MYO9A: variants seen among roughly 807,000 people sequenced by gnomAD.
MYO9A encodes the protein myosin IXA.
A neutral mutation model predicts 293.3 loss-of-function variants in MYO9A; 103 were observed. The ratio of observed to expected loss-of-function variants is 0.35; its 90% CI spans 0.30 to 0.41. The LOEUF is 0.41. Among genes scored for constraint, MYO9A ranks in the 10% least tolerant of loss-of-function variants. MYO9A has a pLI of 1.00. For synonymous variants in MYO9A, 1,001 were observed against 1,035.7 expected, an observed-to-expected ratio of 0.97 and a Z score of 0.64; for missense variants, 2,685 against 3,033.0, an observed-to-expected ratio of 0.89 and a Z score of 2.69.
At chr15:72,013,455 T>C (rs1030864725) in intron 6 of MYO9A, among the ~76,000 whole-genome samples, 1 of 152,178 alleles carries the variant, frequency 6.6e-6, no homozygotes, top group South Asian at 2.1e-4. Flanking sequence ...AATGGTAAGG[T>C]TCGTTCCAAG....
intron 1 of MYO9A, among the ~76,000 whole-genome samples, chr15:72,097,422 T>G (rs1313333435): frequency 6.6e-6 from 1 of 152,222 alleles, no homozygotes; most frequent in Non-Finnish European, 1.5e-5. Flanking sequence ...GTGGATATTT[T>G]TGTAGACATG....
chr15:72,061,594 C>CTCCT (rs1238694160), intron 1 of MYO9A, among the ~76,000 whole-genome samples: 1 of 151,750 alleles, frequency 6.6e-6, no homozygotes, highest in East Asian at 1.9e-4. Context: ...CAGGGAGAGA[C>CTCCT]TCCTTCTGCC....
chr15:72,047,750 A>T (rs969193875), intron 1 of MYO9A, among the ~76,000 whole-genome samples: 1 of 150,740 alleles, frequency 6.6e-6, no homozygotes, highest in Admixed American at 6.7e-5. Flanking sequence ...AAAAATAATA[A>T]GAAGAAATAC....
At chr15:72,101,639 G>A (rs1295635870) in intron 1 of MYO9A, among the ~76,000 whole-genome samples, 1 of 139,140 alleles carries the variant, frequency 7.2e-6, no homozygotes, top group Non-Finnish European at 1.6e-5. Context: ...CAGGAGGGAG[G>A]TGGGGGGGTC....
intron 32 of MYO9A, among the ~76,000 whole-genome samples, chr15:71,871,593 G>A (rs978129015): frequency 4.6e-5 from 7 of 151,156 alleles, no homozygotes; most frequent in African/African-American, 1.5e-4. Flanking sequence ...GAGGTGGGAG[G>A]GCACTTGAGC....
chr15:72,023,369 C>T (rs1449287875), intron 4 of MYO9A, among the ~76,000 whole-genome samples: 1 of 152,074 alleles, frequency 6.6e-6, no homozygotes, highest in Non-Finnish European at 1.5e-5. Context: ...ACCTATAATG[C>T]CAGCACTTTG....
chr15:72,024,640 G>C (rs960948525), intron 4 of MYO9A, among the ~76,000 whole-genome samples: 5 of 152,278 alleles, frequency 3.3e-5, no homozygotes, highest in African/African-American at 1.2e-4. Flanking sequence ...AATTATAAAT[G>C]TGTTGATGGA....
intron 2 of MYO9A, among the ~76,000 whole-genome samples, chr15:72,039,178 TGAAA>T (rs2078152226): frequency 6.6e-6 from 1 of 152,086 alleles, no homozygotes; most frequent in East Asian, 1.9e-4. Context: ...ATTGGTCATG[TGAAA>T]GAAACTAAAG....
chr15:71,879,690 A>C, intron 30 of MYO9A, 31 bp downstream of exon 30: 1 of 1,492,622 alleles, frequency 6.7e-7, no homozygotes, highest in Non-Finnish European at 9.3e-7. Context: ...ATGTTGAACT[A>C]CTAAATATCT....
chr15:71,846,495 G>GAAGTT (rs1237997978), intron 39 of MYO9A, among the ~76,000 whole-genome samples: 1 of 152,278 alleles, frequency 6.6e-6, no homozygotes, highest in East Asian at 1.9e-4. Context: ...AAAACTGACT[G>GAAGTT]AAGTTTTAAT....
intron 19 of MYO9A, among the ~76,000 whole-genome samples, chr15:71,908,749 C>A (rs183404419): frequency 1.3e-5 from 2 of 152,070 alleles, no homozygotes; most frequent in African/African-American, 4.8e-5. Context: ...TGTGATGAAC[C>A]AATACTGACA....
At chr15:72,007,353 T>C (rs1199485737) in intron 8 of MYO9A, among the ~76,000 whole-genome samples, 1 of 150,620 alleles carries the variant, frequency 6.6e-6, no homozygotes, top group African/African-American at 2.4e-5. Flanking sequence ...AGAAGCATGG[T>C]AGGAGATGAG....
At chr15:71,859,697 G>A (rs1314859526) in intron 34 of MYO9A, 38 bp downstream of exon 34, 8 of 1,540,270 alleles carry the variant, frequency 5.2e-6, no homozygotes, top group Non-Finnish European at 7.2e-6. Flanking sequence ...AAGACCAACA[G>A]GTCTGTTATC....
intron 11 of MYO9A, among the ~76,000 whole-genome samples, chr15:71,981,125 G>GA (rs911456884): frequency 1.2e-4 from 18 of 151,162 alleles, no homozygotes; most frequent in South Asian, 2.1e-4. Context: ...AGCACATGCT[G>GA]AAAAAAAAAT....
chr15:71,992,025 G>A (rs755704828), intron 10 of MYO9A, among the ~76,000 whole-genome samples: 44 of 152,100 alleles, frequency 2.9e-4, no homozygotes, highest in Admixed American at 1.7e-3. Context: ...AAAGTGCTGG[G>A]ATTACAGGCG....
chr15:71,893,723 G>A lies in MYO9A; in HGVS notation c.5098C>T (p.Pro1700Ser). 6.2e-7 allele frequency: 1 copy of A among 1,613,928 alleles called. No individual in the cohort carries two copies. The highest frequency in any genetic ancestry group is 8.5e-7 in the Non-Finnish European group (1 of 1,179,920). The change falls in exon 26 of 42, where the codon CCA becomes TCA. Residue 1700 changes from proline (P) to serine (S), a missense_variant. Around this residue, in one of 10 missense-constraint regions of MYO9A, gnomAD observed 1,434 missense variants for 1,497.7 expected, o/e 0.96. Transcript: ENST00000356056. ...KNPQLHKEDE[P>S]AWKPVKLAGP... The stretch of plus-strand genomic sequence containing the variant: ...GCTAACTTCACAGGTTTCCATGCTG[G>A]TTCATCTTCTTTATGGAGTTGAGGA...
intron 31 of MYO9A, among the ~76,000 whole-genome samples, chr15:71,877,544 G>C (rs2056732542): frequency 6.6e-6 from 1 of 152,022 alleles, no homozygotes; most frequent in Non-Finnish European, 1.5e-5. Flanking sequence ...TACAACCTCT[G>C]CCTCCTGGGT....
intron 9 of MYO9A, among the ~76,000 whole-genome samples, chr15:71,995,339 T>G (rs1453149783): frequency 6.6e-6 from 1 of 152,186 alleles, no homozygotes; most frequent in Non-Finnish European, 1.5e-5. Context: ...ACAATTACAT[T>G]GGTAGTTGTC....
intron 4 of MYO9A, among the ~76,000 whole-genome samples, chr15:72,021,583 G>C (rs752946466): frequency 2.0e-5 from 3 of 152,090 alleles, no homozygotes; most frequent in Non-Finnish European, 4.4e-5. Context: ...CCATATTCAA[G>C]GCTGACTCTA....
Sources: gnomAD v4.1 joint callset for allele counts (sites outside exome capture counted in the v4.1 genomes callset) on GRCh38, gnomAD v4.1.1 for gene constraint, gnomAD v4.1.1 regional missense constraint, MANE v1.5 for transcripts, NCBI Gene and HGNC (gene_info 2026-07-23, HGNC 2026-07-21) for gene names.